Variants in B4GALNT3 observed in about 807,000 individuals in gnomAD.
B4GALNT3 encodes the protein beta-1,4-N-acetyl-galactosaminyltransferase 3.
A neutral mutation model predicts 120.2 loss-of-function variants in B4GALNT3; 86 were observed. The ratio of observed to expected loss-of-function variants is 0.72; its 90% CI spans 0.60 to 0.86. The LOEUF (loss-of-function observed/expected upper bound fraction) is 0.86. B4GALNT3 is among the 40% of genes least tolerant of loss of function. The pLI is 0.00. For synonymous variants in B4GALNT3, 518 were observed against 510.4 expected (o/e 1.01, Z -0.20); for missense variants, 1,167 against 1,298.9 (o/e 0.90, Z 1.56).
intron 1 of B4GALNT3, among the ~76,000 whole-genome samples, chr12:478,250 T>TAA (rs34616848): frequency 2.1e-4 from 18 of 86,886 alleles, no homozygotes; most frequent in African/African-American, 6.0e-4. Flanking sequence ...ACTCTGTCTT[T>TAA]AAAAAAAAAA....
chr12:463,361 TACA>T lies in B4GALNT3; in HGVS notation c.169+2819_169+2821del, dbSNP rs148768831. 2.5e-3 allele frequency among the ~76,000 whole-genome samples: 376 copies of T among 152,310 alleles called. 7 individuals carry two copies. In the East Asian group the frequency reaches 0.047, roughly 19 times the overall value. Reference sequence around the variant, plus strand: ...ATTTGGTTCCATATGCAGAAGGAGATACAACCACAACTGGAGTGGCTTCAGAGA... The same window carrying T: ...ATTTGGTTCCATATGCAGAAGGAGATACCACAACTGGAGTGGCTTCAGAGA... On this transcript the variant is annotated intron_variant, in intron 1 of 19. Coordinates refer to ENST00000266383, the MANE Select transcript of B4GALNT3 (RefSeq NM_173593.4).
chr12:558,444 C>A, intron 17 of B4GALNT3, 64 bp from the exon 18 acceptor site: 2 of 1,502,378 alleles, frequency 1.3e-6, no homozygotes, highest in Non-Finnish European at 1.8e-6. Flanking sequence ...TTCTCCTAGA[C>A]GGCGACCTGA....
At chr12:554,789 CAAAAAAAAAAAAAAAAA>C (rs57194028) in intron 14 of B4GALNT3, among the ~76,000 whole-genome samples, 1 of 33,010 alleles carries the variant, frequency 3.0e-5, no homozygotes, top group Admixed American at 4.7e-4. Flanking sequence ...GACTCCGTCT[CAAAAAAAAAAAAAAAAA>C]AAAAAAAAAA....
At chr12:560,229 C>T (rs948434321) in intron 19 of B4GALNT3, among the ~76,000 whole-genome samples, 4 of 152,264 alleles carry the variant, frequency 2.6e-5, no homozygotes, top group African/African-American at 7.2e-5. Context: ...TAACAGCGTC[C>T]ACAGGAGGTG....
chr12:547,635 C>G (rs546971555), intron 7 of B4GALNT3, among the ~76,000 whole-genome samples: 2 of 152,302 alleles, frequency 1.3e-5, no homozygotes, highest in East Asian at 1.9e-4. Flanking sequence ...CACCTCCACC[C>G]CTCATCACTC....
intron 1 of B4GALNT3, among the ~76,000 whole-genome samples, chr12:506,887 C>T (rs1290099943): frequency 2.6e-5 from 4 of 152,240 alleles, no homozygotes; most frequent in South Asian, 2.1e-4. Flanking sequence ...CCGCCCGCCT[C>T]GGCCTCCCGA....
At chr12:467,473 C>A (rs1032093471) in intron 1 of B4GALNT3, among the ~76,000 whole-genome samples, 1 of 152,134 alleles carries the variant, frequency 6.6e-6, no homozygotes, top group East Asian at 1.9e-4. Flanking sequence ...GCACAAGAGT[C>A]GCTTGAACCT....
chr12:550,901 C>A lies in B4GALNT3; in HGVS notation c.998-21C>A. 1.3e-6 allele frequency: 2 copies of A among 1,579,028 alleles called. No individual in the cohort carries two copies. Among genetic ancestry groups the A allele is most frequent in the Non-Finnish European group, 1.7e-6 (2 of 1,148,498 alleles). ...TTCGTGCTCACCCTCACCCTCACTCCTCCTCCTCCACTGTCCTCAGTGCCT... is the reference window on the plus strand; with the variant it reads ...TTCGTGCTCACCCTCACCCTCACTCATCCTCCTCCACTGTCCTCAGTGCCT... On this transcript the variant is annotated intron_variant, in intron 10 of 19. Coordinates refer to ENST00000266383, the MANE Select transcript of B4GALNT3 (RefSeq NM_173593.4). The surrounding 1 kb of genome is among the most constrained non-coding windows in gnomAD (Gnocchi z 4.1).
At chr12:545,151 G>A in intron 5 of B4GALNT3, 179 bp downstream of exon 5, 1 of 1,443,282 alleles carries the variant, frequency 6.9e-7, no homozygotes, top group Non-Finnish European at 9.1e-7. Context: ...CTGCTGCTTT[G>A]CTCCCTGGTT....
chr12:540,978 C>T (rs900812117), intron 3 of B4GALNT3, among the ~76,000 whole-genome samples: 5 of 152,174 alleles, frequency 3.3e-5, no homozygotes, highest in Admixed American at 3.3e-4. Flanking sequence ...CTCCTGACCT[C>T]GTGATCCGCC....
chr12:507,778 G>A (rs1273335257), intron 1 of B4GALNT3, among the ~76,000 whole-genome samples: 1 of 146,504 alleles, frequency 6.8e-6, no homozygotes, highest in African/African-American at 2.8e-5. Context: ...GAACATTCCT[G>A]CCCCTGGAAA....
intron 1 of B4GALNT3, among the ~76,000 whole-genome samples, chr12:515,976 A>AC (rs200927143): frequency 0.17 from 25,207 of 150,954 alleles, 2,268 homozygotes; most frequent in South Asian, 0.24. Flanking sequence ...TCTCTACTAA[A>AC]AACACACACA....
In B4GALNT3 at chr12:550,808, G is replaced by A. The variant is rs754950219; in HGVS notation, c.998-114G>A. 8.6e-4 allele frequency: 730 copies of A among 848,918 alleles called. 2 individuals are homozygous for A. The highest frequency in any genetic ancestry group is 2.0e-3 in the Admixed American group (77 of 38,410). 52.6% of individuals were successfully genotyped at this position (848,918 alleles called of 1,614,324 possible). A position where few individuals can be genotyped will look rare whatever the true frequency, so the allele number is the denominator to read the frequency against. On this transcript the variant is annotated intron_variant, in intron 10 of 19. Coordinates refer to ENST00000266383, the MANE Select transcript of B4GALNT3 (RefSeq NM_173593.4). The surrounding 1 kb of genome is among the most constrained non-coding windows in gnomAD (Gnocchi z 4.1). Reference sequence around the variant, plus strand: ...CTGGCAGCCTCAGCCACAGACGTCGGCAGAACACAGCTGCCGCTTGCGAAT... The same window carrying A: ...CTGGCAGCCTCAGCCACAGACGTCGACAGAACACAGCTGCCGCTTGCGAAT...
Position 561,373 on chromosome 12 carries a change from T to C in B4GALNT3, c.2919T>C (p.Arg973=). 6.2e-7 allele frequency: 1 copy of C among 1,614,030 alleles called. No homozygotes were observed. The highest frequency in any genetic ancestry group is 8.5e-7 in the Non-Finnish European group (1 of 1,179,956). Reference sequence around the variant, plus strand: ...TCCAAGCGGGCCTGGACGTGGAGCGTCTCTCCCTCAGGAATTTCTTCCATC... The same window carrying C: ...TCCAAGCGGGCCTGGACGTGGAGCGCCTCTCCCTCAGGAATTTCTTCCATC... ...RILQAGLDVE[R]LSLRNFFHHF... is the part of the protein sequence containing the mutation. Residue 973 remains arginine, a synonymous_variant, in exon 20 of 20, where the codon CGT becomes CGC. Coordinates refer to ENST00000266383, the MANE Select transcript of B4GALNT3 (RefSeq NM_173593.4).
intron 1 of B4GALNT3, among the ~76,000 whole-genome samples, chr12:509,668 T>G (rs561851844): frequency 1.3e-5 from 2 of 152,248 alleles, no homozygotes; most frequent in East Asian, 1.9e-4. Context: ...AGGATCTGAC[T>G]CAAATCACAC....
chr12:483,185 T>C (rs1422689281), intron 1 of B4GALNT3, among the ~76,000 whole-genome samples: 3 of 152,180 alleles, frequency 2.0e-5, no homozygotes, highest in African/African-American at 4.8e-5. Flanking sequence ...GCTGGGATTA[T>C]GGACATAAGC....
chr12:490,674 A>T, intron 1 of B4GALNT3, among the ~76,000 whole-genome samples: 1 of 151,892 alleles, frequency 6.6e-6, no homozygotes, highest in Non-Finnish European at 1.5e-5. Context: ...GGTTGCAGTG[A>T]GCTGAGATCA....
In B4GALNT3 at chr12:544,863, T is replaced by G. The variant is rs1946972523; in HGVS notation, c.448-19T>G. 1 of 1,611,882 alleles carries G rather than the reference T, an allele frequency of 6.2e-7. No homozygotes were observed. Among genetic ancestry groups the G allele is most frequent in the Non-Finnish European group, 8.5e-7 (1 of 1,178,186 alleles). ...TTCCCTCTTCTGGGTAACTGTTTCC[T>G]TCCCCTTTCTTGGCATAGATTCGCA... On this transcript the variant is annotated intron_variant, in intron 4 of 19. Coordinates refer to ENST00000266383, the MANE Select transcript of B4GALNT3 (RefSeq NM_173593.4).
intron 1 of B4GALNT3, among the ~76,000 whole-genome samples, chr12:478,178 A>C (rs1208304761): frequency 6.7e-6 from 1 of 148,346 alleles, no homozygotes; most frequent in African/African-American, 2.5e-5. Flanking sequence ...TGAGCCCAGG[A>C]GATCAAGGCT....
Sources: allele counts gnomAD v4.1 joint callset (sites outside exome capture counted in the v4.1 genomes callset), GRCh38; gene constraint gnomAD v4.1.1; non-coding constraint Gnocchi (gnomAD v3.1); transcripts MANE v1.5; gene names NCBI Gene and HGNC (gene_info 2026-07-23, HGNC 2026-07-21).